Variants in CLDN16 observed in about 807,000 individuals in gnomAD.
CLDN16 encodes the protein claudin-16.
Under a neutral mutation model 24.6 loss-of-function variants are expected in CLDN16, and 13 were observed. That is an observed-to-expected ratio of 0.53 (90% CI 0.34 to 0.84). CLDN16 has a LOEUF of 0.84. Among genes scored for constraint, CLDN16 ranks in the 40% least tolerant of loss-of-function variants. The probability of loss-of-function intolerance (pLI) is 0.01; values close to 1 mark genes in which losing one functional copy is unlikely to be tolerated. For missense variants in CLDN16, 298 were observed against 292.7 expected (o/e 1.02, Z -0.13); for synonymous variants, 116 against 106.7 (o/e 1.09, Z -0.54).
At chr3:190,346,411 A>T (rs78077684) in intron 1 of CLDN16, among the ~76,000 whole-genome samples, 11,696 of 152,280 alleles carry the variant, frequency 0.077, 738 homozygotes, top group African/African-American at 0.17. Context: ...TAAGCAGGAT[A>T]GTGACCCAGT....
At chr3:190,308,013 C>T in the CLDN16 span, 1 of 407,852 alleles carries the variant, frequency 2.5e-6, no homozygotes, top group Admixed American at 3.6e-5. Context: ...ACCCCTTCCC[C>T]CAGTTGAGTA....
chr3:190,323,022 ACAC>A (rs1560077781), intron 1 of CLDN16, among the ~76,000 whole-genome samples: 1 of 150,226 alleles, frequency 6.7e-6, no homozygotes, highest in African/African-American at 2.5e-5. Context: ...ACACACACAC[ACAC>A]ACAGACACAC....
upstream of CLDN16, among the ~76,000 whole-genome samples, chr3:190,318,321 C>T (rs188361465): frequency 2.3e-3 from 348 of 152,294 alleles, 1 homozygote; most frequent in Non-Finnish European, 3.1e-3. Flanking sequence ...CATTATATTT[C>T]CTTAATCACT....
chr3:190,380,242 C>T lies in CLDN16; in HGVS notation n.306+5639C>T, dbSNP rs368064184. ...TTCCTTCCTTTTCTTCCTTCCCTCC[C>T]TTCCTTCCTTCCTTTCTTCCTTCCT... is the stretch of plus-strand genomic sequence containing the variant. On this transcript the variant is annotated intron_variant and non_coding_transcript_variant, in intron 3 of 4. Transcript: ENST00000468220. 8.4e-3 allele frequency among the ~76,000 whole-genome samples: 301 copies of T among 35,830 alleles called. 1 individual carries two copies. Among genetic ancestry groups the T allele is most frequent in the Middle Eastern group, 0.036 (2 of 56 alleles). 23.5% of individuals were successfully genotyped at this position (35,830 alleles called of 152,430 possible). A position where few individuals can be genotyped will look rare whatever the true frequency, so the allele number is the denominator to read the frequency against.
Position 190,404,732 on chromosome 3 carries a change from C to T in CLDN16, c.218-30C>T, listed in dbSNP as rs199994137. 6.8e-6 allele frequency: 11 copies of T among 1,612,330 alleles called. No individual in the cohort carries two copies. The South Asian group carries it at 1.1e-4, about 16-fold the overall frequency. ...GTTAATATGGTTCCTTCTTCTGACT[C>T]TGCTTTAACCATATGCCCTGGTCTT... On this transcript the variant is annotated intron_variant, in intron 2 of 4. Transcript: ENST00000264734.
chr3:190,327,080 G>T (rs995455816), intron 1 of CLDN16, among the ~76,000 whole-genome samples: 3 of 152,138 alleles, frequency 2.0e-5, no homozygotes, highest in Admixed American at 6.5e-5. Flanking sequence ...GGAAGGGAGA[G>T]ACAGAGATTT....
intron 1 of CLDN16, among the ~76,000 whole-genome samples, chr3:190,329,370 C>T (rs375878590): frequency 5.8e-4 from 88 of 152,176 alleles, no homozygotes; most frequent in African/African-American, 2.0e-3. Context: ...CATCACAGGA[C>T]GGAGACATTA....
rs1432968420 is a variant in CLDN16, at chr3:190,410,832, T to G, written c.*796T>G. 1 of 152,230 alleles carries G rather than the reference T, an allele frequency of 6.6e-6. No homozygotes were observed. Among genetic ancestry groups the G allele is most frequent in the Non-Finnish European group, 1.5e-5 (1 of 68,052 alleles). The allele number at this position is 152,230 out of a possible 1,614,324, so 9.4% of individuals were successfully genotyped here. On this transcript the variant is annotated 3_prime_UTR_variant, in exon 5 of 5. Transcript: ENST00000264734. The stretch of plus-strand genomic sequence containing the variant: ...TAAACATCCAAATACTATTGTAATA[T>G]ACTATGTTAAAATTCATCAATTCAA...
At chr3:190,328,547 A>G (rs1717118297) in intron 1 of CLDN16, among the ~76,000 whole-genome samples, 1 of 152,196 alleles carries the variant, frequency 6.6e-6, no homozygotes, top group African/African-American at 2.4e-5. Flanking sequence ...TGATAGCAGT[A>G]CTGTGAGAAC....
At chr3:190,301,759 A>G in the CLDN16 span, among the ~76,000 whole-genome samples, 2 of 152,130 alleles carry the variant, frequency 1.3e-5, no homozygotes, top group Non-Finnish European at 2.9e-5. Context: ...ACTTCCTCCT[A>G]TGACAGACTG....
chr3:190,311,759 TAC>T, the CLDN16 span, among the ~76,000 whole-genome samples: 1 of 151,510 alleles, frequency 6.6e-6, no homozygotes, highest in Non-Finnish European at 1.5e-5. Context: ...GATATATATA[TAC>T]ACACAGAGAG....
chr3:190,297,530 T>C, the CLDN16 span, among the ~76,000 whole-genome samples: 1 of 142,690 alleles, frequency 7.0e-6, no homozygotes, highest in Non-Finnish European at 1.5e-5. Flanking sequence ...ATATATATAT[T>C]ATAGATATAT....
chr3:190,399,461 G>T (rs1052508100), intron 1 of CLDN16, among the ~76,000 whole-genome samples: 18 of 152,086 alleles, frequency 1.2e-4, no homozygotes, highest in African/African-American at 4.3e-4. Context: ...GCCGTGAGCC[G>T]ATCGCGCCAT....
intron 1 of CLDN16, among the ~76,000 whole-genome samples, chr3:190,328,160 A>G (rs1429652501): frequency 6.6e-6 from 1 of 151,706 alleles, no homozygotes; most frequent in East Asian, 1.9e-4. Context: ...ATGCACCTAT[A>G]GTCCCAGCAA....
intron 1 of CLDN16, among the ~76,000 whole-genome samples, chr3:190,348,248 C>T (rs1236672054): frequency 7.2e-5 from 8 of 110,530 alleles, no homozygotes; most frequent in South Asian, 3.4e-4. Flanking sequence ...AGCAAGACTC[C>T]GTCTCAAAAA....
intron 3 of CLDN16, among the ~76,000 whole-genome samples, chr3:190,376,771 A>G (rs1718257299): frequency 6.6e-6 from 1 of 151,988 alleles, no homozygotes; most frequent in African/African-American, 2.4e-5. Flanking sequence ...AGAGAATTAC[A>G]GTTTGATAAG....
chr3:190,318,445 C>T (rs180723283), upstream of CLDN16, among the ~76,000 whole-genome samples: 215 of 152,298 alleles, frequency 1.4e-3, 1 homozygote, highest in Non-Finnish European at 2.3e-3. Context: ...GCTGCACCAT[C>T]CTTAGCAGCA....
At chr3:190,406,165 T>C in intron 3 of CLDN16, among the ~76,000 whole-genome samples, 1 of 152,192 alleles carries the variant, frequency 6.6e-6, no homozygotes, top group East Asian at 1.9e-4. Context: ...CAGCAAACTG[T>C]TAGCTGACTG....
chr3:190,403,501 C>G (rs915071113), intron 2 of CLDN16, among the ~76,000 whole-genome samples: 1 of 152,146 alleles, frequency 6.6e-6, no homozygotes, highest in African/African-American at 2.4e-5. Context: ...TAAGAAACAT[C>G]TGTTCTGTTA....
Sources: gnomAD v4.1 joint callset for allele counts (sites outside exome capture counted in the v4.1 genomes callset) on GRCh38, gnomAD v4.1.1 for gene constraint, MANE v1.5 for transcripts, NCBI Gene and HGNC (gene_info 2026-07-23, HGNC 2026-07-21) for gene names.